ATP8B1: variants seen among roughly 807,000 people sequenced by gnomAD.
ATP8B1 encodes the protein ATPase phospholipid transporting 8B1, also known as phospholipid-transporting ATPase IC.
ATP8B1 carries 80 observed loss-of-function variants against 149.9 expected under a neutral mutation model. That is an observed-to-expected ratio of 0.53 (90% CI 0.45 to 0.64). The LOEUF is 0.64. Among genes scored for constraint, ATP8B1 ranks in the 30% least tolerant of loss-of-function variants. The pLI is 0.00. For missense variants in ATP8B1, 1,247 were observed against 1,552.6 expected, an observed-to-expected ratio of 0.80 and a Z score of 3.31; for synonymous variants, 536 against 562.8, an observed-to-expected ratio of 0.95 and a Z score of 0.67.
In ATP8B1 at chr18:57,685,157, T is replaced by C. The variant is rs11659313; in HGVS notation, c.1430-42A>G. On this transcript the variant is annotated intron_variant, in intron 13 of 27. Coordinates refer to ENST00000648908, the MANE Select transcript of ATP8B1 (RefSeq NM_001374385.1). Reference sequence around the variant, plus strand: ...ACAAAACAAATTGATTCTACACCTATGTCCAGAGGCCCCTCCTTACCTGGC... The same window carrying C: ...ACAAAACAAATTGATTCTACACCTACGTCCAGAGGCCCCTCCTTACCTGGC... 0.16 allele frequency: 261,857 copies of C among 1,607,326 alleles called. 22,592 individuals are homozygous for C. The highest frequency in any genetic ancestry group is 0.29 in the African/African-American group (21,341 of 74,798).
intron 1 of ATP8B1, among the ~76,000 whole-genome samples, chr18:57,751,382 CTT>C (rs1190641787): frequency 2.7e-5 from 4 of 150,790 alleles, no homozygotes; most frequent in Non-Finnish European, 5.9e-5. Flanking sequence ...GTCCCAGTTA[CTT>C]GGGCAGCTGA....
intron 12 of ATP8B1, among the ~76,000 whole-genome samples, chr18:57,688,896 C>T (rs1202810840): frequency 6.6e-6 from 1 of 152,138 alleles, no homozygotes; most frequent in Admixed American, 6.6e-5. Context: ...TCCCAGCCTC[C>T]AGAACTCTGA....
intron 1 of ATP8B1, among the ~76,000 whole-genome samples, chr18:57,778,139 A>C (rs1345435228): frequency 6.6e-6 from 1 of 152,092 alleles, no homozygotes; most frequent in Non-Finnish European, 1.5e-5. Context: ...TTGCCCTTGT[A>C]TTAGTTATCT....
intron 2 of ATP8B1, among the ~76,000 whole-genome samples, chr18:57,712,526 C>A (rs1054403039): frequency 6.6e-6 from 1 of 152,030 alleles, no homozygotes; most frequent in Non-Finnish European, 1.5e-5. Context: ...ACCTCGTCAC[C>A]GAGGGCCAAA....
chr18:57,751,451 C>G (rs1489445393), intron 1 of ATP8B1, among the ~76,000 whole-genome samples: 1 of 135,230 alleles, frequency 7.4e-6, no homozygotes, highest in African/African-American at 2.6e-5. Context: ...AAGATGCTGT[C>G]TTGAAAAAAA....
In ATP8B1 at chr18:57,678,480, G is replaced by A. The variant is rs377707298; in HGVS notation, c.1631-3458C>T. On this transcript the variant is annotated intron_variant, in intron 15 of 27. Coordinates refer to ENST00000648908, the MANE Select transcript of ATP8B1 (RefSeq NM_001374385.1). ...TATGCACCTGTAATCCCAGCTACTT[G>A]GGAGGCTGAGGCAGGAGAATCGCAT... 3.9e-5 allele frequency among the ~76,000 whole-genome samples: 6 copies of A among 151,988 alleles called. No homozygotes were observed. The East Asian group carries it at 7.7e-4, about 20-fold the overall frequency.
Position 57,803,038 on chromosome 18 carries a change from C to A in ATP8B1, c.-66G>T, listed in dbSNP as rs1316056827. ...CCCCGGCTGGGGCATCCGCCTGGTGCGCGCCGCTCGGAGCGCTCGCTGCGC... is the reference window on the plus strand; with the variant it reads ...CCCCGGCTGGGGCATCCGCCTGGTGAGCGCCGCTCGGAGCGCTCGCTGCGC... On this transcript the variant is annotated 5_prime_UTR_variant, in exon 1 of 28. Transcript: ENST00000648908. The A allele has an allele frequency of 6.6e-6, 1 of 151,828 alleles. No homozygotes were observed. The highest frequency in any genetic ancestry group is 1.9e-4 in the East Asian group (1 of 5,172). 9.4% of individuals were successfully genotyped at this position (151,828 alleles called of 1,614,324 possible). A position where few individuals can be genotyped will look rare whatever the true frequency, so the allele number is the denominator to read the frequency against.
At chr18:57,653,182 T>C (rs1486922283) in intron 24 of ATP8B1, among the ~76,000 whole-genome samples, 1 of 152,094 alleles carries the variant, frequency 6.6e-6, no homozygotes, top group East Asian at 1.9e-4. Flanking sequence ...ATGCACTAGC[T>C]ACATAAATTT....
intron 1 of ATP8B1, among the ~76,000 whole-genome samples, chr18:57,743,155 A>G (rs2079934228): frequency 6.6e-6 from 1 of 152,180 alleles, no homozygotes; most frequent in African/African-American, 2.4e-5. Flanking sequence ...TTACTAATGA[A>G]AAAACTGAGG....
chr18:57,767,645 C>A (rs1473227042), intron 1 of ATP8B1, among the ~76,000 whole-genome samples: 1 of 152,000 alleles, frequency 6.6e-6, no homozygotes, highest in Non-Finnish European at 1.5e-5. Context: ...AAAAATTAAC[C>A]AGGCTTGGTG....
chr18:57,770,295 G>A (rs2080253421), intron 1 of ATP8B1, among the ~76,000 whole-genome samples: 1 of 152,062 alleles, frequency 6.6e-6, no homozygotes, highest in African/African-American at 2.4e-5. Context: ...GCTTCCCTAG[G>A]TGCCCACCCA....
chr18:57,702,996 T>C (rs1022451620), intron 4 of ATP8B1, among the ~76,000 whole-genome samples: 2 of 152,186 alleles, frequency 1.3e-5, no homozygotes, highest in Admixed American at 1.3e-4. Flanking sequence ...GTCTACTTCC[T>C]ACAGAGCAGC....
At chr18:57,679,445 ACT>A (rs1344736374) in intron 15 of ATP8B1, among the ~76,000 whole-genome samples, 1 of 151,758 alleles carries the variant, frequency 6.6e-6, no homozygotes, top group East Asian at 1.9e-4. Context: ...TCCTAAGAAA[ACT>A]CTTTATTTAT....
chr18:57,779,723 C>T (rs2080341275), intron 1 of ATP8B1, among the ~76,000 whole-genome samples: 1 of 152,012 alleles, frequency 6.6e-6, no homozygotes, highest in Non-Finnish European at 1.5e-5. Context: ...CATGGTGAAA[C>T]CCCGTCTCTA....
Position 57,650,438 on chromosome 18 carries a change from C to T in ATP8B1, c.3460G>A (p.Ala1154Thr). Residue 1154 changes from alanine to threonine, a missense_variant, in exon 27 of 28, where the codon GCT becomes ACT. Around this residue, in one of 3 missense-constraint regions of ATP8B1, gnomAD observed 164 missense variants for 160.3 expected, o/e 1.02. Transcript: ENST00000648908. ...GCAACGACGGGTAGTAAGCACACAGCAACAGCCAGGATGATAGTTAACCAA... is the reference window on the plus strand; with the variant it reads ...GCAACGACGGGTAGTAAGCACACAGTAACAGCCAGGATGATAGTTAACCAA... ...YIWLTIILAV[A>T]VCLLPVVAIR... 1 of 1,613,998 alleles carries T rather than the reference C, an allele frequency of 6.2e-7. No individual in the cohort carries two copies. The highest frequency in any genetic ancestry group is 8.5e-7 in the Non-Finnish European group (1 of 1,179,916).
intron 2 of ATP8B1, among the ~76,000 whole-genome samples, chr18:57,722,252 C>T (rs1313145477): frequency 6.6e-6 from 1 of 150,962 alleles, no homozygotes; most frequent in Non-Finnish European, 1.5e-5. Context: ...AAAATCAGAG[C>T]AGAACTGAAG....
At chr18:57,699,934 G>A (rs1342259557) in intron 6 of ATP8B1, among the ~76,000 whole-genome samples, 1 of 152,160 alleles carries the variant, frequency 6.6e-6, no homozygotes. Context: ...GAAGTCTAGG[G>A]TGCATGTCTG....
intron 2 of ATP8B1, among the ~76,000 whole-genome samples, chr18:57,723,805 CA>C (rs2079675531): frequency 6.7e-6 from 1 of 148,512 alleles, no homozygotes; most frequent in Non-Finnish European, 1.5e-5. Context: ...AATCCTAAGC[CA>C]AAAGAACAAA....
chr18:57,667,520 C>T (rs1910948729), intron 19 of ATP8B1: 1 of 259,764 alleles, frequency 3.8e-6, no homozygotes. Context: ...CAGATTCACA[C>T]AAACACACTA....
Sources: gnomAD v4.1 joint callset for allele counts (sites outside exome capture counted in the v4.1 genomes callset) on GRCh38, gnomAD v4.1.1 for gene constraint, gnomAD v4.1.1 regional missense constraint, MANE v1.5 for transcripts, NCBI Gene and HGNC (gene_info 2026-07-23, HGNC 2026-07-21) for gene names.